The following TMX1 variants were observed in gnomAD, a reference collection of about 807,000 sequenced individuals.
TMX1 encodes thioredoxin related transmembrane protein 1, also known as thioredoxin-related transmembrane protein 1.
In TMX1, 25 loss-of-function variants were observed where a neutral mutation model predicts 36.6. The ratio of observed to expected loss-of-function variants is 0.68; its 90% CI spans 0.50 to 0.95. The LOEUF is 0.95. Ranked by LOEUF, TMX1 falls within the 40% of genes least tolerant of loss-of-function variation. TMX1 has a pLI of 0.00. For missense variants in TMX1, 347 were observed against 339.6 expected (o/e 1.02, Z -0.17); for synonymous variants, 133 against 118.0 (o/e 1.13, Z -0.82).
chr14:51,247,870 T>G (rs2065793939), intron 4 of TMX1, among the ~76,000 whole-genome samples: 1 of 152,236 alleles, frequency 6.6e-6, no homozygotes, highest in Non-Finnish European at 1.5e-5. Context: ...ATAATTTGAA[T>G]GAGTAGGCTC....
At chr14:51,251,050 T>A (rs1170911871) in intron 7 of TMX1, among the ~76,000 whole-genome samples, 4 of 152,200 alleles carry the variant, frequency 2.6e-5, no homozygotes, top group Non-Finnish European at 4.4e-5. Context: ...GTTTTTGAAG[T>A]GAAATGAATA....
At chr14:51,245,686 C>T (rs2139852999) in intron 3 of TMX1, 2 of 379,288 alleles carry the variant, frequency 5.3e-6, no homozygotes, top group Non-Finnish European at 9.9e-6. Context: ...GGAGAAATCA[C>T]AGTTACCTGG....
intron 7 of TMX1, among the ~76,000 whole-genome samples, chr14:51,250,442 T>G (rs2065806279): frequency 6.6e-6 from 1 of 152,074 alleles, no homozygotes; most frequent in South Asian, 2.1e-4. Flanking sequence ...TTTAACTAAA[T>G]CAGACTTGTG....
At chr14:51,252,585 G>A (rs2065819427) in intron 7 of TMX1, among the ~76,000 whole-genome samples, 1 of 152,158 alleles carries the variant, frequency 6.6e-6, no homozygotes, top group Non-Finnish European at 1.5e-5. Context: ...TAAGCACTAT[G>A]TATATGATTG....
At chr14:51,248,072 ACGGTGAC>A (rs2065794916) in intron 4 of TMX1, among the ~76,000 whole-genome samples, 2 of 152,380 alleles carry the variant, frequency 1.3e-5, no homozygotes, top group Non-Finnish European at 2.9e-5. Context: ...GTGTGTATAA[ACGGTGAC>A]CGTAATAGTG....
At chr14:51,242,613 A>G (rs1333075208) in intron 1 of TMX1, among the ~76,000 whole-genome samples, 5 of 152,118 alleles carry the variant, frequency 3.3e-5, no homozygotes, top group Non-Finnish European at 5.9e-5. Flanking sequence ...ACCAGTCTCT[A>G]CAAAAAAATA....
In TMX1 at chr14:51,255,238, A is replaced by G. The variant is rs920913577; in HGVS notation, c.*719A>G. The stretch of plus-strand genomic sequence containing the variant: ...TTCAAATTGGATGATAATTTCTTGG[A>G]AACATTTTTTATGTTTTAGTAAACA... On this transcript the variant is annotated 3_prime_UTR_variant, in exon 8 of 8. Transcript: ENST00000457354. 1 of 151,988 alleles carries G rather than the reference A, an allele frequency of 6.6e-6. No individual in the cohort carries two copies. Among genetic ancestry groups the G allele is most frequent in the African/African-American group, 2.4e-5 (1 of 41,422 alleles). 9.4% of individuals were successfully genotyped at this position (151,988 alleles called of 1,614,324 possible). A position where few individuals can be genotyped will look rare whatever the true frequency, so the allele number is the denominator to read the frequency against.
At chr14:51,248,153 A>T (rs980661411) in intron 4 of TMX1, among the ~76,000 whole-genome samples, 1 of 152,228 alleles carries the variant, frequency 6.6e-6, no homozygotes, top group Non-Finnish European at 1.5e-5. Context: ...GCAACTGGCT[A>T]TGGAGTGATA....
intron 7 of TMX1, among the ~76,000 whole-genome samples, chr14:51,250,019 G>A (rs2065804486): frequency 6.6e-6 from 1 of 152,188 alleles, no homozygotes; most frequent in Admixed American, 6.5e-5. Context: ...CATATAGCAT[G>A]TAGCTATTTA....
chr14:51,247,238 T>A lies in TMX1; in HGVS notation c.443+18T>A. 5 of 1,601,356 alleles carry A rather than the reference T, an allele frequency of 3.1e-6. No homozygotes were observed. Among genetic ancestry groups the A allele is most frequent in the Non-Finnish European group, 4.3e-6 (5 of 1,176,092 alleles). ...TCTGTTCTGTAAGTATGAGGGCTTT[T>A]TCTCTTACCCATTTCATAATTAATT... On this transcript the variant is annotated intron_variant, in intron 4 of 7. Coordinates refer to ENST00000457354, the MANE Select transcript of TMX1 (RefSeq NM_030755.5).
At position 51,256,817 on chromosome 14, in the gene TMX1, G is replaced by A. The variant is rs746483407; in HGVS notation, c.*2298G>A. The A allele has an allele frequency of 2.6e-5, 4 of 152,152 alleles. No homozygotes were observed. Among genetic ancestry groups the A allele is most frequent in the Non-Finnish European group, 5.9e-5 (4 of 68,020 alleles). The allele number at this position is 152,152 out of a possible 1,614,324, so 9.4% of individuals were successfully genotyped here. On this transcript the variant is annotated 3_prime_UTR_variant, in exon 8 of 8. Transcript: ENST00000457354. ...ACAGGTAAGCATTGCACATCTTTCAGGTGAGTCAGCCCAGAGGTGTGGTAC... is the reference window on the plus strand; with the variant it reads ...ACAGGTAAGCATTGCACATCTTTCAAGTGAGTCAGCCCAGAGGTGTGGTAC...
At chr14:51,250,675 T>G (rs1424245317) in intron 7 of TMX1, among the ~76,000 whole-genome samples, 1 of 152,116 alleles carries the variant, frequency 6.6e-6, no homozygotes, top group African/African-American at 2.4e-5. Context: ...GTGTTTTTAG[T>G]AGAGACGGGG....
At chr14:51,253,888 G>T (rs2065826328) in intron 7 of TMX1, 1 of 152,688 alleles carries the variant, frequency 6.5e-6, no homozygotes, top group South Asian at 2.1e-4. Context: ...TAGTATACTT[G>T]TTGACCAGAA....
intron 7 of TMX1, among the ~76,000 whole-genome samples, chr14:51,250,657 A>G (rs1296851609): frequency 6.6e-6 from 1 of 152,020 alleles, no homozygotes; most frequent in Non-Finnish European, 1.5e-5. Context: ...ACGCCCGGCT[A>G]ATTTTTTGTG....
intron 7 of TMX1, among the ~76,000 whole-genome samples, chr14:51,253,602 C>T (rs1439268800): frequency 6.6e-6 from 1 of 152,188 alleles, no homozygotes; most frequent in Non-Finnish European, 1.5e-5. Context: ...GTTCTGTCTC[C>T]TGTATCTCAC....
intron 1 of TMX1, among the ~76,000 whole-genome samples, chr14:51,243,394 A>T (rs1410648468): frequency 2.6e-5 from 4 of 152,224 alleles, no homozygotes; most frequent in Admixed American, 2.6e-4. Flanking sequence ...CCTTAGTGGC[A>T]ATCCTACTTA....
At chr14:51,244,536 G>A (rs1055621956) in intron 2 of TMX1, among the ~76,000 whole-genome samples, 1 of 152,108 alleles carries the variant, frequency 6.6e-6, no homozygotes, top group African/African-American at 2.4e-5. Context: ...GTGAGGTCAA[G>A]TGCACTCCTG....
At chr14:51,252,378 T>G (rs1385181411) in intron 7 of TMX1, among the ~76,000 whole-genome samples, 1 of 151,460 alleles carries the variant, frequency 6.6e-6, no homozygotes, top group Non-Finnish European at 1.5e-5. Flanking sequence ...GCAAGCATGG[T>G]CTATGAGCCA....
At chr14:51,245,955 G>T (rs1057409482) in intron 3 of TMX1, 48 of 156,482 alleles carry the variant, frequency 3.1e-4, no homozygotes, top group Middle Eastern at 3.3e-3. Context: ...CTTCTAAATT[G>T]AGGGTATGAA....
Sources: gnomAD v4.1 joint callset for allele counts (sites outside exome capture counted in the v4.1 genomes callset) on GRCh38, gnomAD v4.1.1 for gene constraint, MANE v1.5 for transcripts, NCBI Gene and HGNC (gene_info 2026-07-23, HGNC 2026-07-21) for gene names.